The following ANKHD1 variants were observed in gnomAD, a reference collection of about 807,000 sequenced individuals.
ANKHD1 encodes the protein ankyrin repeat and KH domain-containing protein 1.
Under a neutral mutation model 230.5 loss-of-function variants are expected in ANKHD1, and 31 were observed. That is an observed-to-expected ratio of 0.13 (90% CI 0.10 to 0.18). The LOEUF is 0.18. ANKHD1 is among the 10% of genes least tolerant of loss of function. The pLI is 1.00. For missense variants in ANKHD1, 2,256 were observed against 3,071.3 expected (o/e 0.73, Z 6.27); for synonymous variants, 1,074 against 1,117.6 (o/e 0.96, Z 0.78).
chr5:140,458,599 C>CT (rs777026290), intron 7 of ANKHD1, 26 bp from the exon 8 acceptor site: 1 of 1,570,286 alleles, frequency 6.4e-7, no homozygotes, highest in South Asian at 1.2e-5. Flanking sequence ...TTCTCTCCTT[C>CT]TTTCTTTACT....
At chr5:140,462,530 C>G (rs1336341807) in intron 9 of ANKHD1, among the ~76,000 whole-genome samples, 1 of 151,510 alleles carries the variant, frequency 6.6e-6, no homozygotes. Context: ...CAAGACCATC[C>G]TGGCTAACAC....
Position 140,535,397 on chromosome 5 carries a change from T to A in ANKHD1, c.6886T>A (p.Ser2296Thr). 6.2e-7 allele frequency: 1 copy of A among 1,612,978 alleles called. No homozygotes were observed. Residue 2296 changes from serine to threonine, a missense_variant, in exon 30 of 34, where the codon TCT becomes ACT. Ser to Thr is a moderately conservative substitution (Grantham distance 58). This residue lies in a region of ANKHD1 where 778 missense variants were observed against 966.5 expected (regional missense o/e 0.80). Coordinates refer to ENST00000360839, the MANE Select transcript of ANKHD1 (RefSeq NM_017747.3). ...PSIDPSGSSPSSSSAPLASFS... is the reference protein window; with the variant it reads ...PSIDPSGSSPTSSSAPLASFS... ...CATTGACCCATCAGGCAGCTCCCCA[T>A]CTTCCTCTTCTGCTCCTCTGGCAAG...
chr5:140,526,564 T>G (rs1470320493), intron 26 of ANKHD1, 121 bp downstream of exon 26: 2 of 1,280,630 alleles, frequency 1.6e-6, no homozygotes, highest in Non-Finnish European at 1.0e-6. Context: ...TACCACATTA[T>G]CTATCTTCAA....
At chr5:140,533,326 C>T (rs899502982) in intron 29 of ANKHD1, among the ~76,000 whole-genome samples, 2 of 151,792 alleles carry the variant, frequency 1.3e-5, no homozygotes, top group South Asian at 4.2e-4. Context: ...GGACCGGGCA[C>T]GGTGGCTCAC....
At position 140,438,559 on chromosome 5, in the gene ANKHD1, G is replaced by A. The variant is rs148566763; in HGVS notation, c.559G>A (p.Ala187Thr). Residue 187 changes from alanine (A) to threonine (T), a missense_variant, in exon 3 of 34, where the codon GCT becomes ACT. Ala to Thr is a moderately conservative substitution (Grantham distance 58, BLOSUM62 0). Coordinates refer to ENST00000360839, the MANE Select transcript of ANKHD1 (RefSeq NM_017747.3). ...SSVSCALDEAAAALTRMKAEN... is the reference protein window; with the variant it reads ...SSVSCALDEATAALTRMKAEN... ...AGTTAGTTGTGCACTGGATGAAGCT[G>A]CTGCTGCACTGACACGGATGAAAGC... 2 of 1,613,194 alleles carry A rather than the reference G, an allele frequency of 1.2e-6. No individual in the cohort carries two copies. The highest frequency in any genetic ancestry group is 2.7e-5 in the African/African-American group (2 of 74,940).
chr5:140,504,222 T>TC (rs1284079830), intron 15 of ANKHD1, among the ~76,000 whole-genome samples: 1 of 152,110 alleles, frequency 6.6e-6, no homozygotes, highest in African/African-American at 2.4e-5. Context: ...GCTAACTTTC[T>TC]GTTTTTTTTA....
At chr5:140,510,867 G>C (rs989296985) in intron 22 of ANKHD1, among the ~76,000 whole-genome samples, 6 of 151,872 alleles carry the variant, frequency 4.0e-5, no homozygotes, top group Non-Finnish European at 8.8e-5. Flanking sequence ...CTGTCAACCA[G>C]GCTGGAGTGC....
At chr5:140,455,970 G>A (rs1278787758) in intron 7 of ANKHD1, among the ~76,000 whole-genome samples, 4 of 152,128 alleles carry the variant, frequency 2.6e-5, no homozygotes, top group African/African-American at 4.8e-5. Flanking sequence ...AAACCCCATC[G>A]TCTCAGCCAA....
intron 1 of ANKHD1, among the ~76,000 whole-genome samples, chr5:140,423,064 T>G (rs1772128103): frequency 6.6e-6 from 1 of 151,662 alleles, no homozygotes; most frequent in African/African-American, 2.4e-5. Flanking sequence ...CACACTCAGC[T>G]AATTTTAAAA....
intron 23 of ANKHD1, 32 bp from the exon 24 acceptor site, chr5:140,513,331 A>G: frequency 6.4e-7 from 1 of 1,572,904 alleles, no homozygotes; most frequent in Non-Finnish European, 8.6e-7. Context: ...CTCTTTCATT[A>G]TATATTTACA....
chr5:140,422,605 C>T (rs959439630), intron 1 of ANKHD1, among the ~76,000 whole-genome samples: 5 of 151,148 alleles, frequency 3.3e-5, no homozygotes, highest in Non-Finnish European at 7.4e-5. Flanking sequence ...GTCAGGAGTT[C>T]GAGACCAGCC....
At chr5:140,526,769 G>A (rs777599999) in intron 26 of ANKHD1, among the ~76,000 whole-genome samples, 159 bp from the exon 27 acceptor site, 10 of 152,126 alleles carry the variant, frequency 6.6e-5, no homozygotes, top group Non-Finnish European at 1.3e-4. Flanking sequence ...TAAATGATGG[G>A]TTCTTTGCTC....
intron 7 of ANKHD1, 94 bp from the exon 8 acceptor site, chr5:140,458,531 C>A: frequency 1.5e-6 from 2 of 1,332,942 alleles, no homozygotes; most frequent in Non-Finnish European, 2.0e-6. Context: ...TTTTTTCTTC[C>A]TTTTTCCAAT....
chr5:140,440,443 G>T (rs3822328), intron 4 of ANKHD1, among the ~76,000 whole-genome samples, 177 bp downstream of exon 4: 101,182 of 152,008 alleles, frequency 0.67, 34,106 homozygotes, highest in East Asian at 0.83. Context: ...TTTTGTTGCC[G>T]GTACATGTAA....
rs768045005 is a variant in ANKHD1, at chr5:140,529,431, C to T, written c.6485C>T (p.Thr2162Met). 10 of 1,614,066 alleles carry T rather than the reference C, an allele frequency of 6.2e-6. No individual in the cohort carries two copies. Among genetic ancestry groups the T allele is most frequent in the Admixed American group, 3.3e-5 (2 of 60,002 alleles). ...CAGGATCCCCAGTCTATTTTTGTTA[C>T]GAATCCAGTTACTTTAACACCACCT... ...IHQDPQSIFV[T>M]NPVTLTPPQG... The change falls in exon 29 of 34, where the codon ACG (threonine) becomes ATG (methionine). Residue 2162 changes from threonine to methionine, a missense_variant. Thr to Met is a moderately conservative substitution (Grantham distance 81). This residue lies in a region of ANKHD1 where 778 missense variants were observed against 966.5 expected (regional missense o/e 0.80). Coordinates refer to ENST00000360839, the MANE Select transcript of ANKHD1 (RefSeq NM_017747.3).
chr5:140,403,514 C>T (rs1224560067), intron 1 of ANKHD1, among the ~76,000 whole-genome samples: 3 of 151,984 alleles, frequency 2.0e-5, no homozygotes, highest in Admixed American at 6.6e-5. Context: ...TGGGTTCAAG[C>T]GATTCCCCTG....
chr5:140,523,935 T>G, intron 24 of ANKHD1, 131 bp from the exon 25 acceptor site: 4 of 1,206,800 alleles, frequency 3.3e-6, no homozygotes, highest in Non-Finnish European at 4.4e-6. Flanking sequence ...TTATTTTTTC[T>G]TGTTGGCATT....
intron 14 of ANKHD1, among the ~76,000 whole-genome samples, chr5:140,488,836 G>C (rs1397465975): frequency 1.3e-5 from 2 of 152,128 alleles, no homozygotes; most frequent in African/African-American, 2.4e-5. Context: ...GGAGGCAGAG[G>C]TTGCAATAAG....
At position 140,520,931 on chromosome 5, in the gene ANKHD1, A is replaced by AT. The variant is rs1179765864; in HGVS notation, c.4318-3135_4318-3134insT. ...GTACCCTAAAACTTAAAGTATAATA[A>AT]AAAAAAAAAAAAAAGACTATCCAGT... On this transcript the variant is annotated intron_variant, in intron 24 of 33. Coordinates refer to ENST00000360839, the MANE Select transcript of ANKHD1 (RefSeq NM_017747.3). 3.6e-5 allele frequency among the ~76,000 whole-genome samples: 5 copies of AT among 138,426 alleles called. No individual in the cohort carries two copies. In the East Asian group the frequency reaches 6.0e-4, roughly 17 times the overall value. The allele number at this position is 138,426 out of a possible 152,430, so 90.8% of individuals were successfully genotyped here. A position where few individuals can be genotyped will look rare whatever the true frequency, so the allele number is the denominator to read the frequency against.
Sources: allele counts gnomAD v4.1 joint callset (sites outside exome capture counted in the v4.1 genomes callset), GRCh38; gene constraint gnomAD v4.1.1; regional missense constraint gnomAD v4.1.1; transcripts MANE v1.5; gene names NCBI Gene and HGNC (gene_info 2026-07-23, HGNC 2026-07-21).